TENT4B: variants seen among roughly 807,000 people sequenced by gnomAD.
TENT4B encodes PAP associated domain containing 5.
TENT4B carries 10 observed loss-of-function variants against 75.0 expected under a neutral mutation model. That is an observed-to-expected ratio of 0.13 (90% confidence interval 0.08 to 0.23). The LOEUF (loss-of-function observed/expected upper bound fraction) is 0.23. TENT4B is among the 10% of genes least tolerant of loss of function. The pLI is 1.00. For missense variants in TENT4B, 579 were observed against 893.8 expected (o/e 0.65, Z 4.49); for synonymous variants, 350 against 357.7 (o/e 0.98, Z 0.24).
intron 1 of TENT4B, among the ~76,000 whole-genome samples, chr16:50,178,320 A>G (rs2038348287): frequency 6.6e-6 from 1 of 151,674 alleles, no homozygotes; most frequent in Non-Finnish European, 1.5e-5. Context: ...TTAGTTGGGT[A>G]TGGTGGCATA....
intron 5 of TENT4B, among the ~76,000 whole-genome samples, chr16:50,221,479 A>T (rs541005493): frequency 2.6e-5 from 4 of 152,230 alleles, no homozygotes; most frequent in African/African-American, 7.2e-5. Context: ...GAAGCGTGGA[A>T]GGGAGGGGTG....
chr16:50,217,721 G>C (rs2031629389), intron 5 of TENT4B, 58 bp downstream of exon 5: 8 of 1,033,430 alleles, frequency 7.7e-6, no homozygotes, highest in African/African-American at 1.8e-5. Context: ...TTAAGATTCT[G>C]TTGTGGTGGT....
Position 50,232,357 on chromosome 16 carries a change from A to G in TENT4B, c.*3029A>G, listed in dbSNP as rs2032322327. The G allele has an allele frequency of 1.0e-6, 1 of 985,094 alleles. No individual in the cohort carries two copies. Among genetic ancestry groups the G allele is most frequent in the Non-Finnish European group, 1.2e-6 (1 of 829,892 alleles). 61.0% of individuals were successfully genotyped at this position (985,094 alleles called of 1,614,324 possible). On this transcript the variant is annotated 3_prime_UTR_variant, in exon 12 of 12. Coordinates refer to ENST00000561678, the MANE Select transcript of TENT4B (RefSeq NM_001365324.3). ...TCTGTTTTATTTTTATCCTGTTTTG[A>G]GTGTACTTTACCTTTACTTGCATTT...
chr16:50,216,739 C>G (rs1026548480), intron 4 of TENT4B, among the ~76,000 whole-genome samples: 2 of 152,072 alleles, frequency 1.3e-5, no homozygotes, highest in South Asian at 2.1e-4. Flanking sequence ...AGGCTGGTCT[C>G]TAACTCCTGG....
At position 50,214,275 on chromosome 16, in the gene TENT4B, C is replaced by A; in HGVS notation, c.809+8C>A. 1 of 1,576,232 alleles carries A rather than the reference C, an allele frequency of 6.3e-7. No individual in the cohort carries two copies. Among genetic ancestry groups the A allele is most frequent in the Non-Finnish European group, 8.7e-7 (1 of 1,149,686 alleles). On this transcript the variant is annotated splice_region_variant and intron_variant, in intron 3 of 11. Transcript: ENST00000561678. ...ACTTTATTTACCTACTAGGTTAGTA[C>A]ACTCATGAATCTTTCAAAGGACTTT...
intron 1 of TENT4B, among the ~76,000 whole-genome samples, chr16:50,194,062 C>T (rs2030036416): frequency 6.6e-6 from 1 of 152,198 alleles, no homozygotes; most frequent in Admixed American, 6.5e-5. Context: ...AGTCCCATGG[C>T]TTTACCTCTG....
At chr16:50,218,787 C>T (rs944593942) in intron 5 of TENT4B, among the ~76,000 whole-genome samples, 60 of 151,976 alleles carry the variant, frequency 3.9e-4, no homozygotes, top group Non-Finnish European at 4.4e-5. Context: ...AAGTTTATTT[C>T]TATTCTGTTT....
At chr16:50,155,941 A>T (rs2037890128) in intron 1 of TENT4B, among the ~76,000 whole-genome samples, 1 of 152,112 alleles carries the variant, frequency 6.6e-6, no homozygotes, top group African/African-American at 2.4e-5. Flanking sequence ...TAAGTCCAAG[A>T]TGCTTATTTT....
chr16:50,194,873 C>T (rs754128858), intron 1 of TENT4B, among the ~76,000 whole-genome samples: 55 of 151,560 alleles, frequency 3.6e-4, no homozygotes, highest in African/African-American at 1.3e-3. Context: ...CTCAGCCTCC[C>T]AAGTAGCTGG....
At chr16:50,204,733 C>G (rs1291171751) in intron 1 of TENT4B, among the ~76,000 whole-genome samples, 2 of 152,154 alleles carry the variant, frequency 1.3e-5, no homozygotes, top group African/African-American at 2.4e-5. Flanking sequence ...AGAGGAAAGT[C>G]CTGCTAGCAG....
chr16:50,174,929 G>C (rs904172183), intron 1 of TENT4B, among the ~76,000 whole-genome samples: 1 of 151,864 alleles, frequency 6.6e-6, no homozygotes, highest in Admixed American at 6.6e-5. Context: ...TTTTAGTAGA[G>C]ATGGGGTTTC....
chr16:50,173,608 A>AT (rs747921684), intron 1 of TENT4B, among the ~76,000 whole-genome samples: 3 of 152,124 alleles, frequency 2.0e-5, no homozygotes, highest in Non-Finnish European at 4.4e-5. Flanking sequence ...ATTCTAATAG[A>AT]TATGTAGTGA....
chr16:50,186,488 G>C (rs1166386092), intron 1 of TENT4B, among the ~76,000 whole-genome samples: 1 of 152,060 alleles, frequency 6.6e-6, no homozygotes, highest in African/African-American at 2.4e-5. Context: ...ATTCAACCTT[G>C]ATGGACATTT....
At chr16:50,156,946 A>G (rs1015514457) in intron 1 of TENT4B, among the ~76,000 whole-genome samples, 4 of 152,198 alleles carry the variant, frequency 2.6e-5, no homozygotes, top group Non-Finnish European at 5.9e-5. Flanking sequence ...GGCATGAGCC[A>G]CCATTCTCGC....
chr16:50,202,769 A>G (rs1218498440), intron 1 of TENT4B, among the ~76,000 whole-genome samples: 1 of 152,168 alleles, frequency 6.6e-6, no homozygotes, highest in Non-Finnish European at 1.5e-5. Context: ...TCTCTTTATA[A>G]TCAATTGAAA....
At chr16:50,180,527 C>T (rs987059018) in intron 1 of TENT4B, among the ~76,000 whole-genome samples, 2 of 152,082 alleles carry the variant, frequency 1.3e-5, no homozygotes, top group African/African-American at 4.8e-5. Flanking sequence ...GCCAACATGG[C>T]GAAACCCTGT....
At chr16:50,173,184 T>C (rs1375786893) in intron 1 of TENT4B, among the ~76,000 whole-genome samples, 1 of 152,190 alleles carries the variant, frequency 6.6e-6, no homozygotes. Context: ...CCTCAGGTGA[T>C]CCACCCACCT....
rs1432565237 is a variant in TENT4B, at chr16:50,233,742, T to C, written c.*4414T>C. On this transcript the variant is annotated 3_prime_UTR_variant, in exon 12 of 12. Coordinates refer to ENST00000561678, the MANE Select transcript of TENT4B (RefSeq NM_001365324.3). ...ATTTTCTACTTAAGTGTGTACTTTATTGAGTTTAACCTTGTCTGTAGCCTA... is the reference window on the plus strand; with the variant it reads ...ATTTTCTACTTAAGTGTGTACTTTACTGAGTTTAACCTTGTCTGTAGCCTA... The C allele has an allele frequency of 3.6e-5, 35 of 985,400 alleles. No homozygotes were observed. In the South Asian group the frequency reaches 1.4e-3, roughly 38 times the overall value. 61.0% of individuals were successfully genotyped at this position (985,400 alleles called of 1,614,324 possible). A position where few individuals can be genotyped will look rare whatever the true frequency, so the allele number is the denominator to read the frequency against.
Position 50,188,625 on chromosome 16 carries a change from C to T in TENT4B, c.639-22698C>T, listed in dbSNP as rs146123618. On this transcript the variant is annotated intron_variant, in intron 1 of 11. Transcript: ENST00000561678. ...GAGAAGTGTTAGCAGACCCAGTTTA[C>T]GACATGTCTCAATATTATGAAACAT... Among the ~76,000 whole-genome samples the T allele has an allele frequency of 2.5e-4, 38 of 152,320 alleles. No individual in the cohort carries two copies. The East Asian group carries it at 3.3e-3, about 13-fold the overall frequency.
Sources: gnomAD v4.1 joint callset for allele counts (sites outside exome capture counted in the v4.1 genomes callset) on GRCh38, gnomAD v4.1.1 for gene constraint, MANE v1.5 for transcripts, NCBI Gene and HGNC (gene_info 2026-07-23, HGNC 2026-07-21) for gene names.